The following TLN2 variants were observed in gnomAD, a reference collection of about 807,000 sequenced individuals.
The protein encoded by TLN2 is talin-2.
A neutral mutation model predicts 294.7 loss-of-function variants in TLN2; 118 were observed. The ratio of observed to expected loss-of-function variants is 0.40; its 90% CI spans 0.34 to 0.47. The LOEUF is 0.47. TLN2 is among the 20% of genes least tolerant of loss of function. The probability of loss-of-function intolerance (pLI) is 0.84; values close to 1 mark genes in which losing one functional copy is unlikely to be tolerated. For missense variants in TLN2, 3,083 were observed against 3,282.2 expected (o/e 0.94, Z 1.48); for synonymous variants, 1,431 against 1,304.5 (o/e 1.10, Z -2.09).
intron 32 of TLN2, among the ~76,000 whole-genome samples, chr15:62,748,146 T>A (rs1227526845): frequency 2.6e-5 from 4 of 152,090 alleles, no homozygotes; most frequent in African/African-American, 7.2e-5. Context: ...AGCAAATGAA[T>A]AATCAGAGGC....
At chr15:62,623,982 T>C (rs2140867381) in intron 3 of TLN2, among the ~76,000 whole-genome samples, 1 of 152,318 alleles carries the variant, frequency 6.6e-6, no homozygotes, top group South Asian at 2.1e-4. Context: ...GTCAATCACA[T>C]GATGGCTAGG....
At chr15:62,737,674 C>A (rs917487837) in intron 29 of TLN2, among the ~76,000 whole-genome samples, 1 of 152,186 alleles carries the variant, frequency 6.6e-6, no homozygotes, top group Non-Finnish European at 1.5e-5. Context: ...TTCTAGGCAA[C>A]GTGAGGGCAG....
chr15:62,686,509 T>C (rs2057304486), intron 11 of TLN2, 132 bp from the exon 12 acceptor site: 1 of 1,030,888 alleles, frequency 9.7e-7, no homozygotes, highest in African/African-American at 2.0e-5. Flanking sequence ...CCTCAAAATC[T>C]TGGTTTCCCT....
rs1016144743 is a variant in TLN2, at chr15:62,840,529, A to C, written c.7548A>C (p.Glu2516Asp). 1 of 1,614,224 alleles carries C rather than the reference A, an allele frequency of 6.2e-7. No individual in the cohort carries two copies. The highest frequency in any genetic ancestry group is 8.5e-7 in the Non-Finnish European group (1 of 1,180,036). Residue 2516 changes from glutamate (E) to aspartate (D), a missense_variant, in exon 59 of 59, where the codon GAA becomes GAC. Coordinates refer to ENST00000636159, the MANE Select transcript of TLN2 (RefSeq NM_015059.3). ...TGCTAAAGAAAGAGCGAGAACTGGA[A>C]GAAGCAAGGAAAAAACTGGCCCAAA... ...EEMLKKEREL[E>D]EARKKLAQIR...
chr15:62,709,259 G>A (rs2059269311), intron 21 of TLN2, among the ~76,000 whole-genome samples: 2 of 152,204 alleles, frequency 1.3e-5, no homozygotes, highest in African/African-American at 4.8e-5. Context: ...CCTAGACCAT[G>A]GCCTTTATTG....
intron 1 of TLN2, among the ~76,000 whole-genome samples, chr15:62,579,525 C>A (rs117391870): frequency 1.3e-5 from 2 of 152,190 alleles, no homozygotes; most frequent in Admixed American, 6.5e-5. Context: ...GCTGAGAAGA[C>A]TCACAGTACA....
chr15:62,508,782 T>G (rs2039772822), intron 1 of TLN2, among the ~76,000 whole-genome samples: 1 of 152,196 alleles, frequency 6.6e-6, no homozygotes, highest in Non-Finnish European at 1.5e-5. Flanking sequence ...GTTTCTCTAT[T>G]TACGTTTTTG....
intron 2 of TLN2, among the ~76,000 whole-genome samples, chr15:62,595,458 G>A (rs1033097788): frequency 6.6e-6 from 1 of 151,312 alleles, no homozygotes; most frequent in African/African-American, 2.4e-5. Context: ...GTGTTGGTGA[G>A]GATGTGGAGA....
intron 2 of TLN2, among the ~76,000 whole-genome samples, chr15:62,594,182 C>G (rs886373021): frequency 1.3e-5 from 2 of 152,138 alleles, no homozygotes; most frequent in African/African-American, 4.8e-5. Context: ...TAAATCCACA[C>G]AGTTACGGTC....
intron 1 of TLN2, among the ~76,000 whole-genome samples, chr15:62,560,534 C>T (rs931258634): frequency 6.6e-6 from 1 of 152,218 alleles, no homozygotes; most frequent in Non-Finnish European, 1.5e-5. Flanking sequence ...ATCATATTGG[C>T]CGGGCTGGTC....
rs1432307118 is a variant in TLN2, at chr15:62,817,213, C to T, written c.6772-2303C>T. Among the ~76,000 whole-genome samples, 5 of 152,220 alleles carry T rather than the reference C, an allele frequency of 3.3e-5. No individual in the cohort carries two copies. The South Asian group carries it at 8.3e-4, about 25-fold the overall frequency. On this transcript the variant is annotated intron_variant, in intron 52 of 58. Coordinates refer to ENST00000636159, the MANE Select transcript of TLN2 (RefSeq NM_015059.3). ...AAAGTAAAAGGCATTTATCCCCTTC[C>T]TTCTATTTCTCCATGGCTCTAGTGT...
chr15:62,657,995 AT>A, intron 9 of TLN2, 97 bp downstream of exon 9: 1 of 1,165,830 alleles, frequency 8.6e-7, no homozygotes, highest in Non-Finnish European at 1.2e-6. Flanking sequence ...TCATACCCTA[AT>A]TTCAATCATT....
chr15:62,453,423 A>G (rs892489664), intron 1 of TLN2, among the ~76,000 whole-genome samples: 2 of 152,148 alleles, frequency 1.3e-5, no homozygotes, highest in Non-Finnish European at 2.9e-5. Flanking sequence ...GCTCTAATAC[A>G]AGGCCCTTTC....
chr15:62,441,313 C>T (rs2140305148), intron 1 of TLN2, among the ~76,000 whole-genome samples: 1 of 152,298 alleles, frequency 6.6e-6, no homozygotes, highest in Non-Finnish European at 1.5e-5. Flanking sequence ...CTCACTGCAG[C>T]CTCGAACTCC....
chr15:62,801,118 C>T (rs940265411), intron 50 of TLN2, among the ~76,000 whole-genome samples: 1 of 152,212 alleles, frequency 6.6e-6, no homozygotes, highest in African/African-American at 2.4e-5. Flanking sequence ...ATTCTGTGAA[C>T]AGTGCTTAGC....
At chr15:62,479,555 CA>C (rs1315155463) in intron 1 of TLN2, among the ~76,000 whole-genome samples, 24 of 152,314 alleles carry the variant, frequency 1.6e-4, no homozygotes, top group African/African-American at 5.8e-4. Flanking sequence ...TGGCTCACTG[CA>C]ACCTCCGCCT....
intron 1 of TLN2, among the ~76,000 whole-genome samples, chr15:62,518,495 C>T (rs955191701): frequency 6.6e-6 from 1 of 152,230 alleles, no homozygotes; most frequent in African/African-American, 2.4e-5. Flanking sequence ...GGTTTCTCAA[C>T]TGAAAATTAA....
intron 1 of TLN2, among the ~76,000 whole-genome samples, chr15:62,487,479 C>G (rs1029482026): frequency 2.0e-5 from 3 of 152,080 alleles, no homozygotes; most frequent in Admixed American, 2.0e-4. Flanking sequence ...TACAAATGCC[C>G]AATTGTTGGG....
intron 1 of TLN2, among the ~76,000 whole-genome samples, chr15:62,564,938 A>ATATG (rs1295791280): frequency 6.8e-6 from 1 of 148,116 alleles, no homozygotes; most frequent in African/African-American, 2.5e-5. Context: ...ATATATATAT[A>ATATG]TATACTGCAT....
Sources: allele counts gnomAD v4.1 joint callset (sites outside exome capture counted in the v4.1 genomes callset), GRCh38; gene constraint gnomAD v4.1.1; transcripts MANE v1.5; gene names NCBI Gene and HGNC (gene_info 2026-07-23, HGNC 2026-07-21).